The following EPB41L4A variants were observed in gnomAD, a reference collection of about 807,000 sequenced individuals.
EPB41L4A encodes the protein erythrocyte membrane protein band 4.1 like 4A, also known as band 4.1-like protein 4A.
In EPB41L4A, 100 loss-of-function variants were observed where a neutral mutation model predicts 108.6. The observed-to-expected ratio is 0.92, with a 90% CI of 0.78 to 1.09. The LOEUF (loss-of-function observed/expected upper bound fraction) is 1.09, where lower values mean the gene tolerates loss of function less well. Ranked by LOEUF, EPB41L4A falls within the 50% of genes least tolerant of loss-of-function variation. The probability of loss-of-function intolerance (pLI) is 0.00; values close to 1 mark genes in which losing one functional copy is unlikely to be tolerated. For missense variants in EPB41L4A, 1,030 were observed against 842.7 expected (o/e 1.22, Z -2.75); for synonymous variants, 319 against 289.0 (o/e 1.10, Z -1.05).
chr5:112,183,969 T>C (rs1761292274), intron 18 of EPB41L4A, 47 bp downstream of exon 18: 32 of 1,610,704 alleles, frequency 2.0e-5, no homozygotes, highest in Non-Finnish European at 2.6e-5. Context: ...CACATGCTAC[T>C]TCAAATTCAG....
chr5:112,293,615 C>T (rs1277575955), intron 2 of EPB41L4A, among the ~76,000 whole-genome samples: 1 of 152,196 alleles, frequency 6.6e-6, no homozygotes, highest in Non-Finnish European at 1.5e-5. Flanking sequence ...CTGGGTCCTT[C>T]AAGAGCCGTT....
chr5:112,382,973 T>A (rs1285981326), intron 1 of EPB41L4A, among the ~76,000 whole-genome samples: 2 of 152,130 alleles, frequency 1.3e-5, no homozygotes, highest in Non-Finnish European at 2.9e-5. Context: ...GCAAACAAGT[T>A]GTAAGAAGCC....
At chr5:112,193,487 G>C (rs1761808892) in intron 17 of EPB41L4A, among the ~76,000 whole-genome samples, 1 of 152,134 alleles carries the variant, frequency 6.6e-6, no homozygotes, top group South Asian at 2.1e-4. Context: ...TTTTAGTAGA[G>C]ACAGGGTTTC....
intron 18 of EPB41L4A, among the ~76,000 whole-genome samples, chr5:112,179,399 AT>A (rs1336266879): frequency 6.6e-6 from 1 of 152,160 alleles, no homozygotes; most frequent in Non-Finnish European, 1.5e-5. Context: ...TTACAGATCA[AT>A]TTTTCACAAA....
At chr5:112,327,709 T>G (rs562231520) in intron 1 of EPB41L4A, among the ~76,000 whole-genome samples, 14 of 151,566 alleles carry the variant, frequency 9.2e-5, no homozygotes, top group Non-Finnish European at 1.8e-4. Context: ...CAGAGTGAGA[T>G]CCTGTCTCAA....
intron 12 of EPB41L4A, among the ~76,000 whole-genome samples, chr5:112,222,048 C>T (rs1365120021): frequency 6.6e-6 from 1 of 152,178 alleles, no homozygotes; most frequent in Non-Finnish European, 1.5e-5. Flanking sequence ...TTGCAATTAA[C>T]AGTTACTGCC....
chr5:112,264,873 A>C (rs201564610), intron 6 of EPB41L4A, 23 bp downstream of exon 6: 1 of 1,599,058 alleles, frequency 6.3e-7, no homozygotes, highest in East Asian at 2.2e-5. Context: ...TGATGCAATA[A>C]GACATGGTGT....
At chr5:112,148,581 T>C (rs1759352140) in intron 12 of EPB41L4A, among the ~76,000 whole-genome samples, 1 of 152,172 alleles carries the variant, frequency 6.6e-6, no homozygotes, top group South Asian at 2.1e-4. Context: ...TTTCTCATGG[T>C]TCAAAAGGGA....
intron 1 of EPB41L4A, among the ~76,000 whole-genome samples, chr5:112,403,141 A>G (rs929287122): frequency 2.6e-5 from 4 of 152,054 alleles, no homozygotes; most frequent in Non-Finnish European, 4.4e-5. Flanking sequence ...AAGGGGATTG[A>G]TCCACTGTCA....
chr5:112,170,103 A>G (rs575952129), intron 20 of EPB41L4A, 198 bp downstream of exon 20: 5 of 562,744 alleles, frequency 8.9e-6, no homozygotes, highest in Non-Finnish European at 1.2e-5. Flanking sequence ...GAGGTGGCTA[A>G]TAAGAGATGA....
intron 18 of EPB41L4A, chr5:112,173,437 G>A (rs1480018708): frequency 6.6e-6 from 1 of 152,062 alleles, no homozygotes; most frequent in Admixed American, 6.5e-5. Flanking sequence ...GGATATGTCT[G>A]AGTGCTGGTA....
At chr5:112,268,842 CAAAAAAAAAAAA>C (rs34983995) in intron 4 of EPB41L4A, among the ~76,000 whole-genome samples, 7 of 55,896 alleles carry the variant, frequency 1.3e-4, no homozygotes, top group East Asian at 1.3e-3. Context: ...GACCTTCTCT[CAAAAAAAAAAAA>C]AAAAAAAAAA....
intron 12 of EPB41L4A, among the ~76,000 whole-genome samples, chr5:112,224,395 TA>T (rs35985769): frequency 0.082 from 12,349 of 149,872 alleles, 547 homozygotes; most frequent in African/African-American, 0.1. Flanking sequence ...CCCATATACT[TA>T]AAAAAAAAAC....
chr5:112,177,080 C>T (rs1760906253), intron 18 of EPB41L4A, among the ~76,000 whole-genome samples: 1 of 152,002 alleles, frequency 6.6e-6, no homozygotes, highest in Admixed American at 6.6e-5. Flanking sequence ...AACTACTATC[C>T]ACACAAATAT....
intron 5 of EPB41L4A, among the ~76,000 whole-genome samples, chr5:112,265,344 G>C (rs1376608378): frequency 6.6e-6 from 1 of 152,102 alleles, no homozygotes; most frequent in Non-Finnish European, 1.5e-5. Context: ...AGAAATGCTG[G>C]AAGTGAAAAA....
At chr5:112,257,605 A>G (rs1023237563) in intron 9 of EPB41L4A, among the ~76,000 whole-genome samples, 1 of 152,210 alleles carries the variant, frequency 6.6e-6, no homozygotes, top group Non-Finnish European at 1.5e-5. Flanking sequence ...ACTTTGCCAA[A>G]TATTTATCCT....
At chr5:112,186,082 AAAACT>A (rs1255145631) in intron 17 of EPB41L4A, among the ~76,000 whole-genome samples, 2 of 152,204 alleles carry the variant, frequency 1.3e-5, no homozygotes, top group Non-Finnish European at 2.9e-5. Context: ...GATTGGACAC[AAAACT>A]CAGGTCTCCT....
intron 18 of EPB41L4A, among the ~76,000 whole-genome samples, chr5:112,183,759 T>C (rs1020569350): frequency 5.3e-5 from 8 of 152,246 alleles, no homozygotes; most frequent in African/African-American, 1.9e-4. Context: ...CAGGTGAATG[T>C]ATACTTTGGT....
At chr5:112,186,698 C>T (rs923340546) in intron 17 of EPB41L4A, among the ~76,000 whole-genome samples, 5 of 152,156 alleles carry the variant, frequency 3.3e-5, no homozygotes, top group Non-Finnish European at 5.9e-5. Context: ...GGTAGTGTGG[C>T]GGCCTTGGCC....
Sources: allele counts gnomAD v4.1 joint callset (sites outside exome capture counted in the v4.1 genomes callset), GRCh38; gene constraint gnomAD v4.1.1; transcripts MANE v1.5; gene names NCBI Gene and HGNC (gene_info 2026-07-23, HGNC 2026-07-21).